FRK: variants seen among roughly 807,000 people sequenced by gnomAD.
The protein encoded by FRK is fyn related Src family tyrosine kinase.
FRK carries 51 observed loss-of-function variants against 56.4 expected under a neutral mutation model. The observed-to-expected ratio is 0.90, with a 90% CI of 0.72 to 1.14. The LOEUF (loss-of-function observed/expected upper bound fraction) is 1.14. FRK is among the 50% of genes most tolerant of loss of function. FRK has a pLI of 0.00. For missense variants in FRK, 570 were observed against 601.4 expected (o/e 0.95, Z 0.55); for synonymous variants, 245 against 217.9 (o/e 1.12, Z -1.10).
At chr6:116,028,872 T>TCC (rs1776197607) in intron 1 of FRK, among the ~76,000 whole-genome samples, 1 of 152,180 alleles carries the variant, frequency 6.6e-6, no homozygotes, top group African/African-American at 2.4e-5. Context: ...AATTCACTTA[T>TCC]CAATATATTT....
At chr6:115,963,085 T>C (rs1773447027) in intron 4 of FRK, among the ~76,000 whole-genome samples, 2 of 50,202 alleles carry the variant, frequency 4.0e-5, no homozygotes, top group African/African-American at 6.1e-5. Context: ...AAAAAAACCT[T>C]CAAAAAATCA....
chr6:116,070,128 AT>A, the FRK span, among the ~76,000 whole-genome samples: 1 of 145,906 alleles, frequency 6.9e-6, no homozygotes, highest in East Asian at 1.9e-4. Flanking sequence ...GAAACAGCCC[AT>A]TATTTAAAAA....
In FRK at chr6:115,940,376, C is replaced by T. The variant is rs1280685955; in HGVS notation, c.*2038G>A. ...TGTAAGACCTAAAACCATAAAAACC[C>T]TAGAAGAAAACCTAGGCAACACCAT... On this transcript the variant is annotated 3_prime_UTR_variant, in exon 8 of 8. Transcript: ENST00000606080. 6.6e-6 allele frequency: 1 copy of T among 152,110 alleles called. No homozygotes were observed. Among genetic ancestry groups the T allele is most frequent in the Non-Finnish European group, 1.5e-5 (1 of 68,028 alleles). 9.4% of individuals were successfully genotyped at this position (152,110 alleles called of 1,614,324 possible). A position where few individuals can be genotyped will look rare whatever the true frequency, so the allele number is the denominator to read the frequency against.
upstream of FRK, among the ~76,000 whole-genome samples, chr6:116,063,107 A>T (rs564600568): frequency 9.5e-4 from 145 of 152,286 alleles, no homozygotes; most frequent in African/African-American, 3.4e-3. Flanking sequence ...AGTCATTCCT[A>T]GTCATTACTA....
At chr6:116,094,180 G>T in the FRK span, among the ~76,000 whole-genome samples, 1 of 152,190 alleles carries the variant, frequency 6.6e-6, no homozygotes, top group Non-Finnish European at 1.5e-5. Context: ...TGTCCACTAT[G>T]CCGAGGCAAT....
intron 1 of FRK, among the ~76,000 whole-genome samples, chr6:116,014,558 GA>G (rs1288464069): frequency 1.8e-3 from 262 of 141,796 alleles, no homozygotes; most frequent in East Asian, 4.0e-3. Context: ...AGTGGTCAGG[GA>G]AAAAAAAAAA....
At chr6:115,992,590 C>G (rs1023541402) in intron 2 of FRK, among the ~76,000 whole-genome samples, 3 of 151,688 alleles carry the variant, frequency 2.0e-5, no homozygotes, top group Non-Finnish European at 4.4e-5. Flanking sequence ...AACAATTCAA[C>G]CTTTATAAGA....
At chr6:116,042,557 G>A (rs1450799720) in intron 1 of FRK, among the ~76,000 whole-genome samples, 2 of 152,148 alleles carry the variant, frequency 1.3e-5, no homozygotes, top group African/African-American at 4.8e-5. Flanking sequence ...TCATCACCAG[G>A]CCTGCCTTAC....
At chr6:115,981,586 C>A (rs1774202547) in intron 2 of FRK, among the ~76,000 whole-genome samples, 1 of 152,036 alleles carries the variant, frequency 6.6e-6, no homozygotes, top group African/African-American at 2.4e-5. Context: ...AAAGCCTTCC[C>A]CATAATGAGG....
At chr6:116,036,868 C>A (rs1034609846) in intron 1 of FRK, among the ~76,000 whole-genome samples, 4 of 152,096 alleles carry the variant, frequency 2.6e-5, no homozygotes, top group African/African-American at 9.7e-5. Flanking sequence ...AACATATGAA[C>A]CTTCTCTAAT....
At chr6:116,068,006 G>A in the FRK span, among the ~76,000 whole-genome samples, 1 of 152,048 alleles carries the variant, frequency 6.6e-6, no homozygotes, top group South Asian at 2.1e-4. Context: ...ACTTCCTTTG[G>A]CTATAATACA....
the FRK span, among the ~76,000 whole-genome samples, chr6:116,090,160 G>A: frequency 8.5e-5 from 13 of 152,152 alleles, no homozygotes; most frequent in Admixed American, 2.0e-4. Context: ...ATAATGAGTC[G>A]TGTCATGGGT....
intron 2 of FRK, among the ~76,000 whole-genome samples, chr6:115,972,910 C>A (rs2114614862): frequency 6.6e-6 from 1 of 152,260 alleles, no homozygotes; most frequent in East Asian, 1.9e-4. Context: ...GCTCTATAAC[C>A]AGCAGATTTC....
chr6:115,956,493 GTAA>G lies in FRK; in HGVS notation c.914_916del (p.Ile305del). On this transcript the variant is annotated inframe_deletion, in exon 5 of 8. Transcript: ENST00000606080. ...CAGACTTCCATGTCTCATCAACTCT[GTAA>G]TAATATAAATTGGATCTTCTAAAGT... 1.3e-6 allele frequency: 2 copies of G among 1,576,848 alleles called. No homozygotes were observed. Among genetic ancestry groups the G allele is most frequent in the Non-Finnish European group, 1.7e-6 (2 of 1,161,606 alleles).
At position 116,003,894 on chromosome 6, in the gene FRK, C is replaced by T. The variant is rs1464110429; in HGVS notation, c.449G>A (p.Gly150Glu). 20 of 1,613,550 alleles carry T rather than the reference C, an allele frequency of 1.2e-5. No homozygotes were observed. Among genetic ancestry groups the T allele is most frequent in the Middle Eastern group, 1.7e-4 (1 of 6,054 alleles). The change falls in exon 2 of 8, where the codon GGA (glycine) becomes GAA (glutamate). Residue 150 changes from glycine (G) to glutamate (E), a missense_variant. Physicochemically the swap from Gly to Glu is moderately conservative, Grantham distance 98. Transcript: ENST00000606080. ...ACCCTTACCTGAAAGAGAGAATTCT[C>T]CTTTTTGGCTTTCACTTTCTCTGAT... ...FLIRESESQK[G>E]EFSLSVLDGA...
chr6:115,967,762 G>A (rs1582660115), intron 3 of FRK, 43 bp from the exon 4 acceptor site: 6 of 852,854 alleles, frequency 7.0e-6, no homozygotes, highest in Non-Finnish European at 8.6e-6. Context: ...AAAAAAAAAA[G>A]TAGATTTAAT....
At chr6:116,038,684 AAAACCTAT>A (rs1776581954) in intron 1 of FRK, 1 of 390,284 alleles carries the variant, frequency 2.6e-6, no homozygotes. Flanking sequence ...AGAATATCAT[AAAACCTAT>A]AATCCCCAAC....
At chr6:115,958,712 A>G (rs867591709) in intron 4 of FRK, among the ~76,000 whole-genome samples, 409 of 16,512 alleles carry the variant, frequency 0.025, 48 homozygotes, top group African/African-American at 0.094. Context: ...AAGAAGAAAG[A>G]AAGAAAGAAA....
chr6:116,068,981 C>T, the FRK span, among the ~76,000 whole-genome samples: 1 of 152,100 alleles, frequency 6.6e-6, no homozygotes, highest in African/African-American at 2.4e-5. Context: ...AACTTGCTTT[C>T]CAAAAAGACT....
Sources: allele counts gnomAD v4.1 joint callset (sites outside exome capture counted in the v4.1 genomes callset), GRCh38; gene constraint gnomAD v4.1.1; transcripts MANE v1.5; gene names NCBI Gene and HGNC (gene_info 2026-07-23, HGNC 2026-07-21).